The following FNBP4 variants were observed in gnomAD, a reference collection of about 807,000 sequenced individuals.
FNBP4 encodes the protein formin binding protein 4, also known as formin-binding protein 4.
In FNBP4, 34 loss-of-function variants were observed where a neutral mutation model predicts 119.3. The ratio of observed to expected loss-of-function variants is 0.28; its 90% CI spans 0.22 to 0.38. FNBP4 has a LOEUF of 0.38. FNBP4 is among the 10% of genes least tolerant of loss of function. The pLI, the probability that FNBP4 is intolerant of heterozygous loss-of-function variation, is 1.00. For missense variants in FNBP4, 1,112 were observed against 1,228.9 expected, an observed-to-expected ratio of 0.90 and a Z score of 1.42; for synonymous variants, 462 against 430.6, an observed-to-expected ratio of 1.07 and a Z score of -0.90.
chr11:47,748,698 G>A (rs2097595785), intron 6 of FNBP4, among the ~76,000 whole-genome samples: 1 of 151,862 alleles, frequency 6.6e-6, no homozygotes, highest in Admixed American at 6.6e-5. Context: ...CACCCAGGCT[G>A]GAGTGCAGTG....
chr11:47,724,047 G>A lies in FNBP4; in HGVS notation c.2445C>T (p.Ser815=). 7 of 1,614,118 alleles carry A rather than the reference G, an allele frequency of 4.3e-6. No individual in the cohort carries two copies. Among genetic ancestry groups the A allele is most frequent in the Non-Finnish European group, 5.9e-6 (7 of 1,180,016 alleles). ...AATTACCTGTAGCTATAGCTGACTG[G>A]CTATAGAGAACTGGAGAACTGCCAA... ...ATIGSSPVLY[S]QSAIATGHQA... The change falls in exon 14 of 17, where the codon AGC becomes AGT. Residue 815 remains serine, a synonymous_variant. Transcript: ENST00000263773.
At chr11:47,752,122 G>A (rs888003109) in intron 4 of FNBP4, among the ~76,000 whole-genome samples, 4 of 151,940 alleles carry the variant, frequency 2.6e-5, no homozygotes, top group Non-Finnish European at 4.4e-5. Flanking sequence ...TCTTCAACAT[G>A]CTTTATTTAA....
chr11:47,757,496 G>A (rs2097621866), intron 2 of FNBP4, among the ~76,000 whole-genome samples: 2 of 151,778 alleles, frequency 1.3e-5, no homozygotes, highest in African/African-American at 4.8e-5. Flanking sequence ...ATAGGCGTGA[G>A]CCACCGCACC....
chr11:47,758,053 C>G (rs1314876855), intron 2 of FNBP4, among the ~76,000 whole-genome samples: 1 of 152,162 alleles, frequency 6.6e-6, no homozygotes, highest in African/African-American at 2.4e-5. Flanking sequence ...CTCATGTGAT[C>G]TTCCTGCCTT....
chr11:47,729,539 G>A (rs2097565083), intron 12 of FNBP4: 7 of 980,518 alleles, frequency 7.1e-6, no homozygotes, highest in African/African-American at 1.7e-5. Context: ...ACAGGGTCTT[G>A]TTCTCTGTCG....
chr11:47,729,398 CA>C (rs1450072788), intron 12 of FNBP4: 1 of 985,236 alleles, frequency 1.0e-6, no homozygotes, highest in Non-Finnish European at 1.2e-6. Flanking sequence ...TCTTTAAAAA[CA>C]TAATGTTAAA....
Position 47,734,985 on chromosome 11 carries a change from C to CG in FNBP4, c.1582-857_1582-856insC, listed in dbSNP as rs1310071874. ...AGACTCCATCACCCCAACACCCCCC[C>CG]CCCCAAAAAAAAAGGAAATCTAAAG... On this transcript the variant is annotated intron_variant, in intron 9 of 16. Coordinates refer to ENST00000263773, the MANE Select transcript of FNBP4 (RefSeq NM_015308.5). Among the ~76,000 whole-genome samples the CG allele has an allele frequency of 3.7e-4, 41 of 111,734 alleles. 1 individual carries two copies. The highest frequency in any genetic ancestry group is 7.2e-4 in the East Asian group (3 of 4,146). 73.3% of individuals were successfully genotyped at this position (111,734 alleles called of 152,430 possible). A position where few individuals can be genotyped will look rare whatever the true frequency, so the allele number is the denominator to read the frequency against.
intron 8 of FNBP4, among the ~76,000 whole-genome samples, chr11:47,740,645 G>A (rs1368457551): frequency 1.3e-5 from 2 of 151,022 alleles, no homozygotes; most frequent in African/African-American, 4.9e-5. Flanking sequence ...TTAGGCTGAA[G>A]TGCAGTGGCA....
intron 4 of FNBP4, 96 bp from the exon 5 acceptor site, chr11:47,751,386 A>G: frequency 7.1e-7 from 1 of 1,418,062 alleles, no homozygotes. Context: ...TTCTCAAAAC[A>G]GCACTGTTAA....
chr11:47,727,294 C>T (rs1489523166), intron 12 of FNBP4, among the ~76,000 whole-genome samples: 6 of 149,910 alleles, frequency 4.0e-5, no homozygotes, highest in African/African-American at 7.4e-5. Context: ...CTCTTGTCCA[C>T]GCCGGAGTGC....
rs1000167069 is a variant in FNBP4 at position 47,751,287 on chromosome 11, C to A, written c.641G>T (p.Gly214Val). 9 of 1,613,924 alleles carry A rather than the reference C, an allele frequency of 5.6e-6. No individual in the cohort carries two copies. Among genetic ancestry groups the A allele is most frequent in the African/African-American group, 1.3e-5 (1 of 74,908 alleles). The change falls in exon 5 of 17, where the codon GGA becomes GTA. Residue 214 changes from glycine (G) to valine (V), a missense_variant. Physicochemically the swap from Gly to Val is moderately radical, Grantham distance 109. Transcript: ENST00000263773. ...YDTQCSLAGV[G>V]IEMGDWQEVW... ...TTCCTGCCAATCGCCCATCTCAATT[C>A]CGACTAGAAGATAAAACAAATTTTA...
At chr11:47,729,446 A>G in intron 12 of FNBP4, 2 of 985,312 alleles carry the variant, frequency 2.0e-6, no homozygotes, top group Non-Finnish European at 2.4e-6. Context: ...ATTAAAAATG[A>G]CTTAGAAAAA....
chr11:47,721,696 C>T (rs867161259), intron 15 of FNBP4, among the ~76,000 whole-genome samples: 3 of 151,780 alleles, frequency 2.0e-5, no homozygotes, highest in South Asian at 2.1e-4. Flanking sequence ...TTGTCTAAAT[C>T]GTCTATAATA....
intron 15 of FNBP4, among the ~76,000 whole-genome samples, chr11:47,720,793 T>A (rs58604205): frequency 0.017 from 2,362 of 135,924 alleles, 44 homozygotes; most frequent in African/African-American, 0.048. Flanking sequence ...AGCTAAAAAA[T>A]AAAGCTGGAA....
chr11:47,721,666 TTTC>T (rs1482290965), intron 15 of FNBP4, among the ~76,000 whole-genome samples: 1 of 152,098 alleles, frequency 6.6e-6, no homozygotes, highest in Non-Finnish European at 1.5e-5. Context: ...TATAATATTT[TTTC>T]TTTTCGCTTA....
chr11:47,760,534 C>A (rs555911191), intron 2 of FNBP4, among the ~76,000 whole-genome samples: 6 of 151,518 alleles, frequency 4.0e-5, no homozygotes, highest in African/African-American at 1.2e-4. Context: ...CGTGTTCAAG[C>A]GATTTTCCTG....
At chr11:47,764,632 C>T (rs7947730) in intron 2 of FNBP4, among the ~76,000 whole-genome samples, 41,782 of 151,478 alleles carry the variant, frequency 0.28, 6,794 homozygotes, top group Middle Eastern at 0.38. Flanking sequence ...AAATTACTAC[C>T]AATTATAGAA....
At chr11:47,760,306 G>A (rs548339096) in intron 2 of FNBP4, among the ~76,000 whole-genome samples, 44 of 149,274 alleles carry the variant, frequency 2.9e-4, no homozygotes, top group African/African-American at 1.0e-3. Context: ...CTGTCACCCA[G>A]GGTGAAATGT....
At position 47,767,258 on chromosome 11, in the gene FNBP4, G is replaced by T; in HGVS notation, c.31C>A (p.Arg11Ser). ...GGAGAGAGTTGCAGGATGGGCCTAC[G>T]GCCGGGTACCGCCCGGGACTTCTTC... is the stretch of plus-strand genomic sequence containing the variant. MGKKSRAVPGRRPILQLSPPG... is the reference protein window; with the variant it reads MGKKSRAVPGSRPILQLSPPG... The change falls in exon 1 of 17, where the codon CGT becomes AGT. Residue 11 changes from arginine to serine, a missense_variant. Coordinates refer to ENST00000263773, the MANE Select transcript of FNBP4 (RefSeq NM_015308.5). 1 of 1,557,486 alleles carries T rather than the reference G, an allele frequency of 6.4e-7. No individual in the cohort carries two copies. Among genetic ancestry groups the T allele is most frequent in the Admixed American group, 1.9e-5 (1 of 52,396 alleles).
Sources: gnomAD v4.1 joint callset for allele counts (sites outside exome capture counted in the v4.1 genomes callset) on GRCh38, gnomAD v4.1.1 for gene constraint, MANE v1.5 for transcripts, NCBI Gene and HGNC (gene_info 2026-07-23, HGNC 2026-07-21) for gene names.